DPH6: variants seen among roughly 807,000 people sequenced by gnomAD.
The protein encoded by DPH6 is diphthamine biosynthesis 6, also known as diphthine--ammonia ligase.
Under a neutral mutation model 38.2 loss-of-function variants are expected in DPH6, and 33 were observed. The ratio of observed to expected loss-of-function variants is 0.86; its 90% CI spans 0.65 to 1.15. The LOEUF (loss-of-function observed/expected upper bound fraction) is 1.15, where lower values mean the gene tolerates loss of function less well. Ranked by LOEUF, DPH6 falls within the 50% of genes most tolerant of loss-of-function variation. The pLI is 0.00. For synonymous variants in DPH6, 108 were observed against 103.0 expected, an observed-to-expected ratio of 1.05 and a Z score of -0.30; for missense variants, 325 against 320.0, an observed-to-expected ratio of 1.02 and a Z score of -0.12.
intron 3 of DPH6, among the ~76,000 whole-genome samples, chr15:35,335,273 T>C (rs2052361340): frequency 6.6e-6 from 1 of 152,178 alleles, no homozygotes; most frequent in South Asian, 2.1e-4. Context: ...TTAAGTTCCT[T>C]GTAGACTCTG....
chr15:35,174,845 G>T, the DPH6 span, among the ~76,000 whole-genome samples: 1 of 152,140 alleles, frequency 6.6e-6, no homozygotes, highest in Non-Finnish European at 1.5e-5. Flanking sequence ...TAGAGGTGGG[G>T]TGTCTAATAT....
At chr15:35,440,741 G>A (rs1349348741) in intron 5 of DPH6, among the ~76,000 whole-genome samples, 1 of 152,184 alleles carries the variant, frequency 6.6e-6, no homozygotes, top group Non-Finnish European at 1.5e-5. Flanking sequence ...GAATGGGGAG[G>A]AGCCACCAGG....
intron 3 of DPH6, among the ~76,000 whole-genome samples, chr15:35,323,921 T>A (rs1481822195): frequency 1.8e-4 from 28 of 152,196 alleles, no homozygotes; most frequent in Admixed American, 1.6e-3. Context: ...AAGTACCTAA[T>A]ATTCTTATAT....
intron 3 of DPH6, among the ~76,000 whole-genome samples, chr15:35,499,831 T>C (rs2054603372): frequency 6.6e-6 from 1 of 152,202 alleles, no homozygotes; most frequent in Non-Finnish European, 1.5e-5. Flanking sequence ...GCTGGCAAGC[T>C]TCCCATTTAA....
intron 3 of DPH6, among the ~76,000 whole-genome samples, chr15:35,226,125 AAAAT>A (rs1469350903): frequency 6.6e-6 from 1 of 151,748 alleles, no homozygotes; most frequent in East Asian, 1.9e-4. Flanking sequence ...CTCATCACAA[AAAAT>A]AAATAAATAA....
chr15:35,190,410 T>G, the DPH6 span, among the ~76,000 whole-genome samples: 1 of 152,122 alleles, frequency 6.6e-6, no homozygotes, highest in African/African-American at 2.4e-5. Context: ...GTTGATTGGT[T>G]GGGTCAGAGA....
At chr15:35,357,237 A>T (rs1162679430) in intron 3 of DPH6, among the ~76,000 whole-genome samples, 1 of 152,316 alleles carries the variant, frequency 6.6e-6, no homozygotes, top group South Asian at 2.1e-4. Flanking sequence ...TTCCCAGGTG[A>T]GGCGATGCCT....
Position 35,505,966 on chromosome 15 carries a change from G to C in DPH6, c.312+32308C>G, listed in dbSNP as rs371645261. On this transcript the variant is annotated intron_variant, in intron 3 of 8. Transcript: ENST00000256538. ...GTATTTTAAAATTTTATACTCTAAAGAGAACAGCTGACATCTGACATTGCA... is the reference window on the plus strand; with the variant it reads ...GTATTTTAAAATTTTATACTCTAAACAGAACAGCTGACATCTGACATTGCA... 1.5e-3 allele frequency among the ~76,000 whole-genome samples: 225 copies of C among 152,126 alleles called. 5 individuals carry two copies. In the Middle Eastern group the frequency reaches 0.027, roughly 18 times the overall value.
At chr15:35,384,935 A>C (rs2140945233) in intron 6 of DPH6, among the ~76,000 whole-genome samples, 1 of 152,248 alleles carries the variant, frequency 6.6e-6, no homozygotes, top group Non-Finnish European at 1.5e-5. Flanking sequence ...AAAAAAAACA[A>C]CCCCATCAAA....
rs115610525 is a variant in DPH6, at chr15:35,284,325, C to T, written n.201-63743G>A. ...AATCATCCATGAGGAATAAACTTAA[C>T]CTGTGTGTAGAGGAAATTAAGTGCT... On this transcript the variant is annotated intron_variant and non_coding_transcript_variant, in intron 3 of 3. Coordinates refer to the DPH6 transcript ENST00000560386. Among the ~76,000 whole-genome samples, 387 of 152,136 alleles carry T rather than the reference C, an allele frequency of 2.5e-3. 1 individual carries two copies. Among genetic ancestry groups the T allele is most frequent in the African/African-American group, 8.9e-3 (368 of 41,510 alleles).
intron 3 of DPH6, among the ~76,000 whole-genome samples, chr15:35,529,444 C>T (rs554155637): frequency 6.6e-6 from 1 of 152,208 alleles, no homozygotes; most frequent in African/African-American, 2.4e-5. Flanking sequence ...TACTCCAACA[C>T]TGGGAATCAC....
At chr15:35,480,397 TCACC>T (rs2054312835) in intron 3 of DPH6, among the ~76,000 whole-genome samples, 1 of 152,084 alleles carries the variant, frequency 6.6e-6, no homozygotes, top group African/African-American at 2.4e-5. Context: ...AAACTGAATT[TCACC>T]AAAACAAGCT....
intron 5 of DPH6, among the ~76,000 whole-genome samples, chr15:35,429,366 C>T (rs919735090): frequency 2.9e-4 from 44 of 152,094 alleles, no homozygotes; most frequent in African/African-American, 1.0e-3. Flanking sequence ...TGTTTTACCT[C>T]GTCATTTTTA....
chr15:35,353,337 G>T (rs1453366514), intron 3 of DPH6, among the ~76,000 whole-genome samples: 1 of 152,176 alleles, frequency 6.6e-6, no homozygotes, highest in African/African-American at 2.4e-5. Flanking sequence ...TGGTGTTTTA[G>T]ACATGAAGTC....
Position 35,544,910 on chromosome 15 carries a change from T to A in DPH6, c.23+1209A>T, listed in dbSNP as rs146236500. On this transcript the variant is annotated intron_variant, in intron 1 of 8. Transcript: ENST00000256538. ...TATTCACTTCCTGGGGTACTTTTAA[T>A]TCTTAAAATAAGACACAATGGTTAA... Among the ~76,000 whole-genome samples the A allele has an allele frequency of 2.7e-3, 419 of 152,366 alleles. 1 individual carries two copies. The highest frequency in any genetic ancestry group is 9.4e-3 in the African/African-American group (392 of 41,578).
At chr15:35,278,979 G>T (rs1216239257) in intron 3 of DPH6, among the ~76,000 whole-genome samples, 1 of 149,862 alleles carries the variant, frequency 6.7e-6, no homozygotes, top group Non-Finnish European at 1.5e-5. Context: ...AACCCAGGAG[G>T]CGGAGGTTGC....
rs565949620 is a variant in DPH6, at chr15:35,489,468, GGCAT to G, written c.313-34652_313-34649del. 1.3e-4 allele frequency: 126 copies of G among 982,184 alleles called. 1 individual carries two copies. In the African/African-American group the frequency reaches 2.1e-3, roughly 17 times the overall value. The allele number at this position is 982,184 out of a possible 1,614,324, so 60.8% of individuals were successfully genotyped here. ...AGACTCAATTAATATATTACTCAAA[GGCAT>G]ATTAGGCATATAATAAATATGAACT... On this transcript the variant is annotated intron_variant, in intron 3 of 8. Coordinates refer to ENST00000256538, the MANE Select transcript of DPH6 (RefSeq NM_080650.4).
chr15:35,530,849 C>A lies in DPH6; in HGVS notation c.312+7425G>T, dbSNP rs75917408. 3.1e-3 allele frequency among the ~76,000 whole-genome samples: 470 copies of A among 152,332 alleles called. 3 individuals carry two copies. The East Asian group carries it at 0.034, about 11-fold the overall frequency. ...CAGATGTGGCACAGCCTCAATAAAG[C>A]TGCACCTGGGAGTGAAAATGACACT... On this transcript the variant is annotated intron_variant, in intron 3 of 8. Coordinates refer to ENST00000256538, the MANE Select transcript of DPH6 (RefSeq NM_080650.4).
chr15:35,234,718 G>A lies in DPH6; in HGVS notation n.201-14136C>T, dbSNP rs538428833. 3.3e-5 allele frequency among the ~76,000 whole-genome samples: 5 copies of A among 152,334 alleles called. No individual in the cohort carries two copies. The South Asian group carries it at 1.0e-3, about 32-fold the overall frequency. ...TGGCCTTGTCAACTAAAATAGGATT[G>A]GGCATGTGATCTAAACTGTATCAAT... On this transcript the variant is annotated intron_variant and non_coding_transcript_variant, in intron 3 of 3. Transcript: ENST00000560386.
Sources: allele counts gnomAD v4.1 joint callset (sites outside exome capture counted in the v4.1 genomes callset), GRCh38; gene constraint gnomAD v4.1.1; transcripts MANE v1.5; gene names NCBI Gene and HGNC (gene_info 2026-07-23, HGNC 2026-07-21).